GATAD2B: variants seen among roughly 807,000 people sequenced by gnomAD.
GATAD2B encodes the protein transcriptional repressor p66-beta.
A neutral mutation model predicts 64.3 loss-of-function variants in GATAD2B; 8 were observed. The ratio of observed to expected loss-of-function variants is 0.12; its 90% CI spans 0.07 to 0.22. GATAD2B has a LOEUF of 0.22. GATAD2B is among the 10% of genes least tolerant of loss of function. The pLI is 1.00. For synonymous variants in GATAD2B, 281 were observed against 271.3 expected, an observed-to-expected ratio of 1.04 and a Z score of -0.35; for missense variants, 453 against 752.0, an observed-to-expected ratio of 0.60 and a Z score of 4.65.
chr1:153,885,595 C>T (rs1181007887), intron 1 of GATAD2B, among the ~76,000 whole-genome samples: 8 of 151,432 alleles, frequency 5.3e-5, no homozygotes, highest in African/African-American at 9.7e-5. Flanking sequence ...GGGCTGGGCG[C>T]GGTGGCTCAT....
intron 1 of GATAD2B, among the ~76,000 whole-genome samples, chr1:153,877,003 G>C (rs1379191245): frequency 6.6e-6 from 1 of 151,846 alleles, no homozygotes; most frequent in Non-Finnish European, 1.5e-5. Context: ...GGTGAAAGGC[G>C]AGACTCCGCC....
rs1045505708 is a variant in GATAD2B at position 153,805,319 on chromosome 1, A to G, written c.*4858T>C. 1.3e-5 allele frequency: 2 copies of G among 152,160 alleles called. No individual in the cohort carries two copies. The highest frequency in any genetic ancestry group is 2.9e-5 in the Non-Finnish European group (2 of 68,036). The allele number at this position is 152,160 out of a possible 1,614,324, so 9.4% of individuals were successfully genotyped here. On this transcript the variant is annotated 3_prime_UTR_variant, in exon 11 of 11. Coordinates refer to ENST00000368655, the MANE Select transcript of GATAD2B (RefSeq NM_020699.4). ...TGCGCTCTCCTATTTTATCACCAAG[A>G]TGGGGGAAAAGTTACACATCCTGTA...
intron 1 of GATAD2B, among the ~76,000 whole-genome samples, chr1:153,836,821 C>A (rs922658948): frequency 1.3e-5 from 2 of 152,152 alleles, no homozygotes; most frequent in Non-Finnish European, 2.9e-5. Context: ...GGGGTGCCAT[C>A]ATTACCTTGG....
intron 1 of GATAD2B, among the ~76,000 whole-genome samples, chr1:153,890,328 A>G: frequency 6.6e-6 from 1 of 151,562 alleles, no homozygotes; most frequent in South Asian, 2.1e-4. Flanking sequence ...CTCTCCTAAA[A>G]ATACAAAAAA....
At chr1:153,892,269 G>A (rs1405335522) in intron 1 of GATAD2B, among the ~76,000 whole-genome samples, 4 of 151,548 alleles carry the variant, frequency 2.6e-5, no homozygotes, top group Non-Finnish European at 4.4e-5. Context: ...GAGTAAAACA[G>A]GTAACAAGAC....
At chr1:153,891,045 G>T (rs925253836) in intron 1 of GATAD2B, among the ~76,000 whole-genome samples, 1 of 151,906 alleles carries the variant, frequency 6.6e-6, no homozygotes, top group Non-Finnish European at 1.5e-5. Context: ...TTAGCCAGGT[G>T]TGGTGGTGGG....
At chr1:153,812,602 C>T (rs1233224854) in intron 8 of GATAD2B, among the ~76,000 whole-genome samples, 5 of 151,918 alleles carry the variant, frequency 3.3e-5, no homozygotes, top group African/African-American at 9.7e-5. Context: ...TTTCTTTTCT[C>T]TTTTTAAAAA....
At chr1:153,827,154 G>C (rs1250891864) in intron 2 of GATAD2B, among the ~76,000 whole-genome samples, 1 of 150,066 alleles carries the variant, frequency 6.7e-6, no homozygotes, top group East Asian at 2.0e-4. Flanking sequence ...GGTGGGGTGT[G>C]GGTTGGGGTT....
chr1:153,813,165 T>C, intron 8 of GATAD2B, 85 bp downstream of exon 8: 2 of 986,020 alleles, frequency 2.0e-6, no homozygotes, highest in South Asian at 1.3e-5. Flanking sequence ...AGGGATCACA[T>C]GAACCACTCC....
chr1:153,825,854 C>CT (rs1268451053), intron 2 of GATAD2B, among the ~76,000 whole-genome samples: 1 of 152,172 alleles, frequency 6.6e-6, no homozygotes, highest in Non-Finnish European at 1.5e-5. Context: ...ATAACCATTT[C>CT]TTTCTTCTTC....
chr1:153,914,175 G>A (rs1167110571), intron 1 of GATAD2B, among the ~76,000 whole-genome samples: 9 of 144,508 alleles, frequency 6.2e-5, no homozygotes, highest in African/African-American at 1.3e-4. Flanking sequence ...CCCGGGAGGC[G>A]GAGGTTGCAG....
At chr1:153,885,721 G>A (rs927282456) in intron 1 of GATAD2B, among the ~76,000 whole-genome samples, 1 of 151,888 alleles carries the variant, frequency 6.6e-6, no homozygotes, top group Non-Finnish European at 1.5e-5. Flanking sequence ...AAATTAGCCG[G>A]GCGTGGTGGT....
At position 153,816,853 on chromosome 1, in the gene GATAD2B, G is replaced by T. The variant is rs983015768; in HGVS notation, c.901-265C>A. ...AATCTCAGCACTTTGGGAGGCCGAG[G>T]TAGGCAGATCACTTGAGGTGAGGAG... is the stretch of plus-strand genomic sequence containing the variant. On this transcript the variant is annotated intron_variant, in intron 6 of 10. Transcript: ENST00000368655. This position sits in a 1 kb window ranked among gnomAD's most constrained non-coding sequence, Gnocchi z 4.9. Among the ~76,000 whole-genome samples, 1 of 152,218 alleles carries T rather than the reference G, an allele frequency of 6.6e-6. No individual in the cohort carries two copies. Among genetic ancestry groups the T allele is most frequent in the South Asian group, 2.1e-4 (1 of 4,828 alleles).
At chr1:153,866,202 CAAAAA>C (rs68135109) in intron 1 of GATAD2B, among the ~76,000 whole-genome samples, 15 of 99,760 alleles carry the variant, frequency 1.5e-4, no homozygotes, top group Admixed American at 5.5e-4. Flanking sequence ...CACTAGGTCT[CAAAAA>C]AAAAAAAAAA....
chr1:153,870,105 G>GC (rs1676612185), intron 1 of GATAD2B, among the ~76,000 whole-genome samples: 1 of 152,054 alleles, frequency 6.6e-6, no homozygotes, highest in African/African-American at 2.4e-5. Context: ...CTGCCACTAT[G>GC]CCCAGCGCTA....
chr1:153,838,569 A>G (rs994257138), intron 1 of GATAD2B, among the ~76,000 whole-genome samples: 3 of 151,640 alleles, frequency 2.0e-5, no homozygotes, highest in African/African-American at 7.3e-5. Context: ...TGGTGCAATC[A>G]TGGCTCACTG....
intron 1 of GATAD2B, among the ~76,000 whole-genome samples, chr1:153,885,761 G>C (rs1391273668): frequency 6.6e-6 from 1 of 151,646 alleles, no homozygotes; most frequent in Non-Finnish European, 1.5e-5. Flanking sequence ...TACTCAGGAG[G>C]CTGAGGCAGA....
chr1:153,859,907 C>CTTT (rs34557576), intron 1 of GATAD2B, among the ~76,000 whole-genome samples: 35 of 60,890 alleles, frequency 5.7e-4, no homozygotes, highest in African/African-American at 9.0e-4. Context: ...CTTTTCTTTT[C>CTTT]TTTTTTTTTT....
rs1044656260 is a variant in GATAD2B, at chr1:153,884,244, T to C, written c.-2+38489A>G. Among the ~76,000 whole-genome samples, 2 of 152,200 alleles carry C rather than the reference T, an allele frequency of 1.3e-5. 1 individual carries two copies. Among genetic ancestry groups the C allele is most frequent in the Middle Eastern group, 6.8e-3 (2 of 294 alleles). ...TCACGAGGTCAGGAGATCAAGACCATTCTGGCTAACACGGTGAAACCCGTC... is the reference window on the plus strand; with the variant it reads ...TCACGAGGTCAGGAGATCAAGACCACTCTGGCTAACACGGTGAAACCCGTC... On this transcript the variant is annotated intron_variant, in intron 1 of 10. Transcript: ENST00000368655.
Sources: gnomAD v4.1 joint callset for allele counts (sites outside exome capture counted in the v4.1 genomes callset) on GRCh38, gnomAD v4.1.1 for gene constraint, Gnocchi (gnomAD v3.1) non-coding constraint, MANE v1.5 for transcripts, NCBI Gene and HGNC (gene_info 2026-07-23, HGNC 2026-07-21) for gene names.